The following CDS2 variants were observed in gnomAD, a reference collection of about 807,000 sequenced individuals.
CDS2 encodes the protein phosphatidate cytidylyltransferase 2.
In CDS2, 47 loss-of-function variants were observed where a neutral mutation model predicts 59.0. That is an observed-to-expected ratio of 0.80 (90% CI 0.63 to 1.02). The LOEUF (loss-of-function observed/expected upper bound fraction) is 1.02. CDS2 is among the 50% of genes least tolerant of loss of function. The pLI is 0.00. For synonymous variants in CDS2, 207 were observed against 206.4 expected (o/e 1.00, Z -0.02); for missense variants, 356 against 558.9 (o/e 0.64, Z 3.66).
intron 1 of CDS2, among the ~76,000 whole-genome samples, chr20:5,166,902 C>G (rs769103447): frequency 6.6e-6 from 1 of 152,118 alleles, no homozygotes. Context: ...GAGGTTTACC[C>G]ATGAAGTGGG....
chr20:5,170,822 A>C (rs1304774247), intron 1 of CDS2, among the ~76,000 whole-genome samples: 2 of 152,240 alleles, frequency 1.3e-5, no homozygotes, highest in African/African-American at 2.4e-5. Flanking sequence ...TAGCAAGGCT[A>C]ATAAAGAAGA....
chr20:5,139,972 G>T (rs1346674554), intron 1 of CDS2, among the ~76,000 whole-genome samples: 1 of 151,808 alleles, frequency 6.6e-6, no homozygotes, highest in Non-Finnish European at 1.5e-5. Flanking sequence ...GCTAATTTTT[G>T]GTATTTTTTA....
intron 2 of CDS2, among the ~76,000 whole-genome samples, chr20:5,174,568 C>CA (rs777588734): frequency 6.6e-6 from 1 of 151,784 alleles, no homozygotes; most frequent in Non-Finnish European, 1.5e-5. Context: ...ACTAAAAATA[C>CA]AAAAAAATTA....
In CDS2 at chr20:5,185,738, A is replaced by C. The variant is rs772678511; in HGVS notation, c.760-20A>C. Reference sequence around the variant, plus strand: ...AGTTATCAAAACACCCTTTGCTGAGAACTTGCTCTCTGTCCACAGCTGTCC... The same window carrying C: ...AGTTATCAAAACACCCTTTGCTGAGCACTTGCTCTCTGTCCACAGCTGTCC... On this transcript the variant is annotated intron_variant, in intron 8 of 12. Transcript: ENST00000460006. 1 of 1,612,056 alleles carries C rather than the reference A, an allele frequency of 6.2e-7. No individual in the cohort carries two copies. Among genetic ancestry groups the C allele is most frequent in the South Asian group, 1.1e-5 (1 of 91,030 alleles).
chr20:5,142,684 A>G (rs2090704896), intron 1 of CDS2, among the ~76,000 whole-genome samples: 1 of 152,044 alleles, frequency 6.6e-6, no homozygotes. Context: ...ATTAAAATTA[A>G]GAACTTATGT....
At chr20:5,158,327 G>A (rs188862895) in intron 1 of CDS2, among the ~76,000 whole-genome samples, 6 of 151,914 alleles carry the variant, frequency 3.9e-5, no homozygotes, top group African/African-American at 9.7e-5. Context: ...CTGCCACCAC[G>A]CCCAGCTAAT....
rs146373307 is a variant in CDS2 at position 5,185,912 on chromosome 20, G to A, written c.828+86G>A. 1,002 of 1,285,102 alleles carry A rather than the reference G, an allele frequency of 7.8e-4. 4 individuals are homozygous for A. In the African/African-American group the frequency reaches 0.011, roughly 14 times the overall value. 79.6% of individuals were successfully genotyped at this position (1,285,102 alleles called of 1,614,324 possible). On this transcript the variant is annotated intron_variant, in intron 9 of 12. Coordinates refer to ENST00000460006, the MANE Select transcript of CDS2 (RefSeq NM_003818.4). ...CAAGGCCTGTCCAGAGCTGGAGAGT[G>A]TCTTTGGAGGCCAGGACTGTCCTGC... is the stretch of plus-strand genomic sequence containing the variant.
rs201416938 is a variant in CDS2 at position 5,190,283 on chromosome 20, T to G, written c.*49T>G. On this transcript the variant is annotated 3_prime_UTR_variant, in exon 13 of 13. Coordinates refer to ENST00000460006, the MANE Select transcript of CDS2 (RefSeq NM_003818.4). ...AGGAACAGAACTGAGCAGGGGCAGG[T>G]CTCCAAGGCAAGCCCAGCTGGTGTG... 163 of 1,555,858 alleles carry G rather than the reference T, an allele frequency of 1.0e-4. 1 individual carries two copies. The highest frequency in any genetic ancestry group is 1.4e-4 in the East Asian group (6 of 43,196).
intron 1 of CDS2, among the ~76,000 whole-genome samples, chr20:5,154,639 T>TTTTGTTTG (rs537557558): frequency 2.0e-5 from 3 of 152,026 alleles, no homozygotes; most frequent in Admixed American, 2.0e-4. Flanking sequence ...ACAGATGTCT[T>TTTTGTTTG]TTTGTTTGTT....
chr20:5,185,005 G>A (rs1333621407), intron 8 of CDS2, 60 bp downstream of exon 8: 3 of 1,188,352 alleles, frequency 2.5e-6, no homozygotes, highest in Non-Finnish European at 3.8e-6. Flanking sequence ...CTCTCAATGT[G>A]AGTAGATCAG....
At chr20:5,132,876 A>G (rs951555997) in intron 1 of CDS2, among the ~76,000 whole-genome samples, 5 of 152,142 alleles carry the variant, frequency 3.3e-5, no homozygotes, top group African/African-American at 1.2e-4. Context: ...GTATTTCATT[A>G]GAAGAATTTT....
chr20:5,177,397 G>A (rs2091002347), intron 4 of CDS2, among the ~76,000 whole-genome samples: 5 of 152,128 alleles, frequency 3.3e-5, no homozygotes, highest in Admixed American at 3.3e-4. Context: ...GTGGGCAGGA[G>A]TGAGGCTGAA....
At chr20:5,166,983 G>A (rs1321266783) in intron 1 of CDS2, among the ~76,000 whole-genome samples, 1 of 152,200 alleles carries the variant, frequency 6.6e-6, no homozygotes, top group Non-Finnish European at 1.5e-5. Flanking sequence ...TTGTAAGTAG[G>A]GCTGTGGTGA....
chr20:5,178,638 A>G (rs1290004616), intron 4 of CDS2, among the ~76,000 whole-genome samples, 179 bp from the exon 5 acceptor site: 2 of 151,782 alleles, frequency 1.3e-5, no homozygotes, highest in Non-Finnish European at 2.9e-5. Flanking sequence ...TAAATTTCTC[A>G]CCTACGGTGT....
chr20:5,174,018 C>T (rs568416251), intron 2 of CDS2, among the ~76,000 whole-genome samples: 1 of 152,334 alleles, frequency 6.6e-6, no homozygotes, highest in Admixed American at 6.5e-5. Flanking sequence ...GATTAATGGG[C>T]AGGCTGCTTT....
intron 1 of CDS2, among the ~76,000 whole-genome samples, chr20:5,149,976 A>G (rs777412696): frequency 2.0e-5 from 3 of 152,088 alleles, no homozygotes; most frequent in Admixed American, 1.3e-4. Flanking sequence ...CGGCCTCCCA[A>G]AGTGCTAGGA....
At chr20:5,187,349 ACT>A (rs2091076982) in intron 10 of CDS2, 1 of 165,244 alleles carries the variant, frequency 6.1e-6, no homozygotes, top group South Asian at 1.6e-4. Context: ...CCTTTTTAAC[ACT>A]CTCTACTGAA....
intron 1 of CDS2, among the ~76,000 whole-genome samples, chr20:5,139,607 G>C (rs1474723887): frequency 2.0e-5 from 3 of 152,106 alleles, no homozygotes; most frequent in African/African-American, 7.2e-5. Context: ...GAATAAGATT[G>C]GTGAAAGTGG....
rs1193463424 is a variant in CDS2 at position 5,192,517 on chromosome 20, A to G, written c.*2283A>G. 1 of 152,314 alleles carries G rather than the reference A, an allele frequency of 6.6e-6. No homozygotes were observed. Among genetic ancestry groups the G allele is most frequent in the Non-Finnish European group, 1.5e-5 (1 of 68,130 alleles). The allele number at this position is 152,314 out of a possible 1,614,324, so 9.4% of individuals were successfully genotyped here. A position where few individuals can be genotyped will look rare whatever the true frequency, so the allele number is the denominator to read the frequency against. On this transcript the variant is annotated 3_prime_UTR_variant, in exon 13 of 13. Transcript: ENST00000460006. ...AGGAGAGCACTGCCACCTTGTGTCC[A>G]TATAGCACAATGTTTCTCTTTCCTA...
Sources: gnomAD v4.1 joint callset for allele counts (sites outside exome capture counted in the v4.1 genomes callset) on GRCh38, gnomAD v4.1.1 for gene constraint, MANE v1.5 for transcripts, NCBI Gene and HGNC (gene_info 2026-07-23, HGNC 2026-07-21) for gene names.